TOGARAM1: variants seen among roughly 807,000 people sequenced by gnomAD.
TOGARAM1 encodes the protein TOG array regulator of axonemal microtubules 1.
In TOGARAM1, 100 loss-of-function variants were observed where a neutral mutation model predicts 166.6. That is an observed-to-expected ratio of 0.60 (90% confidence interval 0.51 to 0.71). The LOEUF (loss-of-function observed/expected upper bound fraction) is 0.71. Ranked by LOEUF, TOGARAM1 falls within the 30% of genes least tolerant of loss-of-function variation. The pLI, the probability that TOGARAM1 is intolerant of heterozygous loss-of-function variation, is 0.00. For synonymous variants in TOGARAM1, 758 were observed against 763.8 expected (o/e 0.99, Z 0.13); for missense variants, 2,029 against 2,102.7 (o/e 0.96, Z 0.69).
At chr14:44,985,644 G>T (rs1886754168) in intron 1 of TOGARAM1, among the ~76,000 whole-genome samples, 1 of 152,218 alleles carries the variant, frequency 6.6e-6, no homozygotes, top group Non-Finnish European at 1.5e-5. Flanking sequence ...GTGATGGGGA[G>T]CTACTGTAAA....
At chr14:45,043,428 G>A (rs1390368788) in intron 11 of TOGARAM1, among the ~76,000 whole-genome samples, 1 of 151,898 alleles carries the variant, frequency 6.6e-6, no homozygotes, top group Non-Finnish European at 1.5e-5. Flanking sequence ...CACCTGCCTC[G>A]GCCTCCCAAA....
At chr14:44,984,766 C>A (rs1263759312) in intron 1 of TOGARAM1, among the ~76,000 whole-genome samples, 1 of 150,964 alleles carries the variant, frequency 6.6e-6, no homozygotes, top group African/African-American at 2.4e-5. Flanking sequence ...CAAAGTGAGA[C>A]CTCATCTCTA....
intron 7 of TOGARAM1, among the ~76,000 whole-genome samples, chr14:45,020,448 A>G (rs1260502296): frequency 6.6e-6 from 1 of 152,178 alleles, no homozygotes; most frequent in Non-Finnish European, 1.5e-5. Context: ...AGTTCTTGAG[A>G]TAGTTTGTAG....
At chr14:44,981,151 T>A (rs1451203530) in intron 1 of TOGARAM1, among the ~76,000 whole-genome samples, 1 of 152,044 alleles carries the variant, frequency 6.6e-6, no homozygotes, top group African/African-American at 2.4e-5. Flanking sequence ...AAATATGAAT[T>A]TTTGGTGAAG....
Position 44,963,694 on chromosome 14 carries a change from C to T in TOGARAM1, c.1273C>T (p.Leu425Phe). Residue 425 changes from leucine to phenylalanine, a missense_variant, in exon 1 of 20, where the codon CTT (leucine) becomes TTT (phenylalanine). Coordinates refer to ENST00000361462, the MANE Select transcript of TOGARAM1 (RefSeq NM_001308120.2). ...LEVLHLLVIR[L>F]GEQVQQFLGP... is the part of the protein sequence containing the mutation. ...AGTCCTGCATTTACTGGTTATTCGC[C>T]TTGGAGAGCAGGTACAGCAGTTCTT... 6.2e-7 allele frequency: 1 copy of T among 1,613,860 alleles called. No individual in the cohort carries two copies. The highest frequency in any genetic ancestry group is 1.3e-5 in the African/African-American group (1 of 75,034).
Position 45,006,167 on chromosome 14 carries a change from AAAAG to A in TOGARAM1, c.2810_2813del (p.Lys937SerfsTer20). ...GCTGATTTAAGCACAGTGGGACACAAAAAGAAAGAGCCTGATGATATTTGGAAGT... is the reference window on the plus strand; with the variant it reads ...GCTGATTTAAGCACAGTGGGACACAAAAAGAGCCTGATGATATTTGGAAGT... On this transcript the variant is annotated frameshift_variant, in exon 5 of 20. Coordinates refer to ENST00000361462, the MANE Select transcript of TOGARAM1 (RefSeq NM_001308120.2). LOFTEE classifies it high-confidence loss of function. 1 of 1,614,128 alleles carries A rather than the reference AAAAG, an allele frequency of 6.2e-7. No homozygotes were observed. Among genetic ancestry groups the A allele is most frequent in the Non-Finnish European group, 8.5e-7 (1 of 1,179,994 alleles).
At chr14:45,017,006 G>T (rs1399904947) in intron 7 of TOGARAM1, among the ~76,000 whole-genome samples, 1 of 152,144 alleles carries the variant, frequency 6.6e-6, no homozygotes, top group Non-Finnish European at 1.5e-5. Flanking sequence ...CATAGGTTTG[G>T]ATGTGGTGAT....
In TOGARAM1 at chr14:44,962,280, G is replaced by A. The variant is rs549412970; in HGVS notation, c.-142G>A. 3.0e-5 allele frequency: 32 copies of A among 1,075,022 alleles called. No homozygotes were observed. In the African/African-American group the frequency reaches 4.2e-4, roughly 14 times the overall value. The allele number at this position is 1,075,022 out of a possible 1,614,324, so 66.6% of individuals were successfully genotyped here. On this transcript the variant is annotated 5_prime_UTR_variant, in exon 1 of 20. Coordinates refer to ENST00000361462, the MANE Select transcript of TOGARAM1 (RefSeq NM_001308120.2). ...GCCAGAGGCTGCCTCCCGGAGTTGG[G>A]GGCGGCCTGGCGGCAGGCTGAAGCT...
rs1272650406 is a variant in TOGARAM1 at position 45,045,646 on chromosome 14, T to C, written c.4154+776T>C. ...ATATATGTATATATATACATATATA[T>C]ACATATATACACACATATATATGTG... On this transcript the variant is annotated intron_variant, in intron 13 of 19. Transcript: ENST00000361462. Among the ~76,000 whole-genome samples, 16 of 121,006 alleles carry C rather than the reference T, an allele frequency of 1.3e-4. No homozygotes were observed. The South Asian group carries it at 1.6e-3, about 12-fold the overall frequency. The allele number at this position is 121,006 out of a possible 152,430, so 79.4% of individuals were successfully genotyped here.
At position 45,000,382 on chromosome 14, in the gene TOGARAM1, T is replaced by C. The variant is rs1887642089; in HGVS notation, c.2338+885T>C. Among the ~76,000 whole-genome samples, 2 of 152,214 alleles carry C rather than the reference T, an allele frequency of 1.3e-5. 1 individual carries two copies. Among genetic ancestry groups the C allele is most frequent in the South Asian group, 4.1e-4 (2 of 4,832 alleles). ...CCTTGCCAGCCTCTGGATACCATCATTCTGCTCTCTACCTCCATGGAATTA... is the reference window on the plus strand; with the variant it reads ...CCTTGCCAGCCTCTGGATACCATCACTCTGCTCTCTACCTCCATGGAATTA... On this transcript the variant is annotated intron_variant, in intron 3 of 19. Transcript: ENST00000361462.
intron 14 of TOGARAM1, among the ~76,000 whole-genome samples, chr14:45,051,383 G>A (rs895920940): frequency 6.6e-6 from 1 of 152,074 alleles, no homozygotes; most frequent in Non-Finnish European, 1.5e-5. Context: ...AATGGGCAAG[G>A]AGCCCAGGAT....
chr14:45,057,241 G>A (rs1353250154), intron 16 of TOGARAM1, among the ~76,000 whole-genome samples: 2 of 152,076 alleles, frequency 1.3e-5, no homozygotes, highest in East Asian at 1.9e-4. Context: ...GCTAGGTAGC[G>A]ATTTATTAAT....
At chr14:45,016,212 A>G (rs1880125949) in intron 7 of TOGARAM1, among the ~76,000 whole-genome samples, 1 of 152,170 alleles carries the variant, frequency 6.6e-6, no homozygotes, top group African/African-American at 2.4e-5. Flanking sequence ...CCTGAGCAAC[A>G]TGGCAAGACT....
At chr14:44,995,646 T>C (rs1414225473) in intron 1 of TOGARAM1, 100 bp from the exon 2 acceptor site, 4 of 838,728 alleles carry the variant, frequency 4.8e-6, no homozygotes, top group Non-Finnish European at 5.5e-6. Flanking sequence ...TTAAAATTTA[T>C]TCTAACCTGA....
intron 16 of TOGARAM1, among the ~76,000 whole-genome samples, chr14:45,059,387 C>T (rs997347198): frequency 6.6e-6 from 1 of 152,160 alleles, no homozygotes; most frequent in Non-Finnish European, 1.5e-5. Flanking sequence ...GTGGTATGCA[C>T]CTGTAATCCT....
intron 16 of TOGARAM1, among the ~76,000 whole-genome samples, chr14:45,065,569 C>A (rs916143221): frequency 2.0e-5 from 3 of 152,268 alleles, no homozygotes; most frequent in South Asian, 2.1e-4. Context: ...TTTATAGCCA[C>A]GAAAAATATT....
At position 45,073,675 on chromosome 14, in the gene TOGARAM1, G is replaced by A. The variant is rs1306009611; in HGVS notation, c.*114G>A. On this transcript the variant is annotated 3_prime_UTR_variant, in exon 20 of 20. Transcript: ENST00000361462. The stretch of plus-strand genomic sequence containing the variant: ...TTCACATCCAGCAAATTAAGTCAAT[G>A]GCTATTTTTATTTGCAGCCTATGAG... 3 of 983,292 alleles carry A rather than the reference G, an allele frequency of 3.1e-6. No homozygotes were observed. Among genetic ancestry groups the A allele is most frequent in the South Asian group, 1.7e-5 (1 of 58,644 alleles). 60.9% of individuals were successfully genotyped at this position (983,292 alleles called of 1,614,324 possible). A position where few individuals can be genotyped will look rare whatever the true frequency, so the allele number is the denominator to read the frequency against.
intron 10 of TOGARAM1, among the ~76,000 whole-genome samples, chr14:45,030,014 G>T (rs1461403488): frequency 4.6e-5 from 7 of 152,006 alleles, no homozygotes; most frequent in African/African-American, 1.7e-4. Context: ...TCAAGACGGG[G>T]TTTCACCATG....
At chr14:45,006,375 TA>T (rs1879430479) in intron 5 of TOGARAM1, 108 bp downstream of exon 5, 1 of 768,548 alleles carries the variant, frequency 1.3e-6, no homozygotes, top group African/African-American at 1.8e-5. Context: ...ATCTTATTTC[TA>T]AAAATATGTT....
Sources: allele counts gnomAD v4.1 joint callset (sites outside exome capture counted in the v4.1 genomes callset), GRCh38; gene constraint gnomAD v4.1.1; transcripts MANE v1.5; gene names NCBI Gene and HGNC (gene_info 2026-07-23, HGNC 2026-07-21).